Variants in GAK observed in about 807,000 individuals in gnomAD.
GAK encodes cyclin G associated kinase.
In GAK, 79 loss-of-function variants were observed where a neutral mutation model predicts 143.9. That is an observed-to-expected ratio of 0.55 (90% CI 0.46 to 0.66). The LOEUF is 0.66. Ranked by LOEUF, GAK falls within the 30% of genes least tolerant of loss-of-function variation. The pLI, the probability that GAK is intolerant of heterozygous loss-of-function variation, is 0.00. For missense variants in GAK, 1,693 were observed against 1,779.7 expected (o/e 0.95, Z 0.88); for synonymous variants, 881 against 765.5 (o/e 1.15, Z -2.49).
intron 7 of GAK, 97 bp downstream of exon 7, chr4:896,363 A>C: frequency 3.5e-6 from 3 of 863,044 alleles, no homozygotes; most frequent in Non-Finnish European, 5.9e-6. Context: ...TGGAGGAGGC[A>C]GGCCAGTTCC....
At position 932,201 on chromosome 4, in the gene GAK, C is replaced by A. The variant is rs1202495429; in HGVS notation, c.-14G>T. ...CAGCAGCGACATGGCGGTGGCTGCG[C>A]CGCACCCCGCGGCAGCCGGAGTGGT... On this transcript the variant is annotated 5_prime_UTR_variant, in exon 1 of 28. Coordinates refer to ENST00000314167, the MANE Select transcript of GAK (RefSeq NM_005255.4). This position sits in a 1 kb window ranked among gnomAD's most constrained non-coding sequence, Gnocchi z 4.0. 2 of 1,524,962 alleles carry A rather than the reference C, an allele frequency of 1.3e-6. No individual in the cohort carries two copies. Among genetic ancestry groups the A allele is most frequent in the Non-Finnish European group, 1.8e-6 (2 of 1,139,654 alleles). 94.5% of individuals were successfully genotyped at this position (1,524,962 alleles called of 1,614,324 possible).
At chr4:909,028 A>G (rs1339096213) in intron 4 of GAK, among the ~76,000 whole-genome samples, 1 of 152,144 alleles carries the variant, frequency 6.6e-6, no homozygotes, top group Admixed American at 6.5e-5. Flanking sequence ...TTACAATACA[A>G]AAGAGACGGG....
At chr4:923,442 G>C (rs1174896780) in intron 1 of GAK, among the ~76,000 whole-genome samples, 2 of 152,156 alleles carry the variant, frequency 1.3e-5, no homozygotes, top group South Asian at 2.1e-4. Flanking sequence ...GCCGAGGTGG[G>C]AGAATCACTT....
intron 11 of GAK, among the ~76,000 whole-genome samples, chr4:884,574 G>A (rs1335365160): frequency 6.6e-6 from 1 of 152,234 alleles, no homozygotes. Context: ...TGCCCTGAGT[G>A]CCTAGAAGCC....
chr4:880,892 C>T lies in GAK; in HGVS notation c.1661+1015G>A, dbSNP rs144682066. Among the ~76,000 whole-genome samples the T allele has an allele frequency of 2.7e-3, 417 of 152,340 alleles. 2 individuals are homozygous for T. The highest frequency in any genetic ancestry group is 4.5e-3 in the Non-Finnish European group (309 of 68,026). On this transcript the variant is annotated intron_variant, in intron 15 of 27. Transcript: ENST00000314167. ...GGAAAGAGACTCCCTGGTTCTCAGA[C>T]GCCCCCTGCTGAACAGGCCCCACCG...
intron 1 of GAK, among the ~76,000 whole-genome samples, chr4:930,580 C>T (rs548152016): frequency 3.3e-4 from 50 of 151,442 alleles, no homozygotes; most frequent in African/African-American, 1.2e-3. Flanking sequence ...CTGCCTCTGT[C>T]TCTCCACCCC....
rs765473301 is a variant in GAK, at chr4:888,956, C to A, written c.1096G>T (p.Glu366Ter). 1.2e-6 allele frequency: 2 copies of A among 1,611,496 alleles called. No individual in the cohort carries two copies. Among genetic ancestry groups the A allele is most frequent in the Non-Finnish European group, 1.7e-6 (2 of 1,179,594 alleles). Residue 366 changes from glutamate to a stop codon, truncating the protein, a stop_gained, in exon 11 of 28, where the codon GAG becomes TAG. Transcript: ENST00000314167. LOFTEE classifies it high-confidence loss of function. ...SGYSGGLALAEYDQPYGGFLD... is the reference protein window; with the variant it reads ...SGYSGGLALA ...AAGCCGCCATACGGCTGGTCGTACTCCGCCAGCGCCAGGCCTGCAGGGAGA... is the reference window on the plus strand; with the variant it reads ...AAGCCGCCATACGGCTGGTCGTACTACGCCAGCGCCAGGCCTGCAGGGAGA...
intron 15 of GAK, among the ~76,000 whole-genome samples, chr4:878,598 GGTCT>G (rs1432368975): frequency 3.9e-5 from 6 of 152,130 alleles, no homozygotes; most frequent in African/African-American, 1.2e-4. Flanking sequence ...CCCTGCTGGT[GGTCT>G]GTCTACTTGT....
chr4:852,982 C>T (rs1193157063), intron 24 of GAK: 1 of 152,226 alleles, frequency 6.6e-6, no homozygotes, highest in Non-Finnish European at 1.5e-5. Context: ...GCAATCACGA[C>T]CTGAATGCTT....
At chr4:871,746 C>T (rs543191786) in intron 18 of GAK, among the ~76,000 whole-genome samples, 2 of 152,068 alleles carry the variant, frequency 1.3e-5, no homozygotes, top group Admixed American at 6.5e-5. Context: ...GGGTGTTGGC[C>T]GCACGGGGAG....
chr4:916,899 C>CT (rs1352673856), intron 1 of GAK, among the ~76,000 whole-genome samples: 2 of 152,242 alleles, frequency 1.3e-5, no homozygotes, highest in Non-Finnish European at 2.9e-5. Flanking sequence ...TACACAGCAG[C>CT]TTCATGTGCA....
intron 22 of GAK, 69 bp downstream of exon 22, chr4:866,295 T>G: frequency 2.0e-6 from 3 of 1,493,700 alleles, no homozygotes; most frequent in Non-Finnish European, 1.8e-6. Context: ...CAGCTCTGTT[T>G]CCCACCAGAG....
At chr4:887,152 T>G (rs996265299) in intron 11 of GAK, 1 of 148,862 alleles carries the variant, frequency 6.7e-6, no homozygotes, top group Non-Finnish European at 1.5e-5. Context: ...TGCGTACACA[T>G]GCACGCGGCT....
At chr4:889,004 T>C (rs1194407130) in intron 10 of GAK, 34 bp from the exon 11 acceptor site, 1 of 1,593,956 alleles carries the variant, frequency 6.3e-7, no homozygotes, top group Non-Finnish European at 8.5e-7. Flanking sequence ...AGGCCCCAGG[T>C]GCTCGGTCCC....
At chr4:893,712 G>A (rs1274761757) in intron 8 of GAK, among the ~76,000 whole-genome samples, 162 bp downstream of exon 8, 1 of 114,598 alleles carries the variant, frequency 8.7e-6, no homozygotes, top group Non-Finnish European at 1.9e-5. Flanking sequence ...GGCGGCAGGG[G>A]AGCTCTCTGG....
At position 868,986 on chromosome 4, in the gene GAK, A is replaced by G. The variant is rs1711694324; in HGVS notation, c.2249-301T>C. The G allele has an allele frequency of 7.4e-6, 3 of 406,346 alleles. No homozygotes were observed. In the South Asian group the frequency reaches 7.8e-5, roughly 11 times the overall value. 25.2% of individuals were successfully genotyped at this position (406,346 alleles called of 1,614,324 possible). On this transcript the variant is annotated intron_variant, in intron 19 of 27. Transcript: ENST00000314167. ...ACATATGCAGGGTACACATGAATGCACACACACAGCTGCACGGTACACACG... is the reference window on the plus strand; with the variant it reads ...ACATATGCAGGGTACACATGAATGCGCACACACAGCTGCACGGTACACACG...
At chr4:876,280 C>T (rs1315725990) in intron 18 of GAK, among the ~76,000 whole-genome samples, 3 of 152,248 alleles carry the variant, frequency 2.0e-5, no homozygotes, top group Admixed American at 6.5e-5. Flanking sequence ...GCTTACGCCA[C>T]GCCCGGGTGT....
At chr4:870,686 A>T in intron 19 of GAK, 25 bp downstream of exon 19, 1 of 1,610,074 alleles carries the variant, frequency 6.2e-7, no homozygotes, top group Non-Finnish European at 8.5e-7. Flanking sequence ...AACAGGGTTC[A>T]CCTAATTCAC....
At chr4:905,602 C>T (rs1720939370) in intron 4 of GAK, among the ~76,000 whole-genome samples, 1 of 151,200 alleles carries the variant, frequency 6.6e-6, no homozygotes, top group African/African-American at 2.4e-5. Flanking sequence ...ACGTTACGGA[C>T]TCCGCCAAAC....
Sources: allele counts gnomAD v4.1 joint callset (sites outside exome capture counted in the v4.1 genomes callset), GRCh38; gene constraint gnomAD v4.1.1; non-coding constraint Gnocchi (gnomAD v3.1); transcripts MANE v1.5; gene names NCBI Gene and HGNC (gene_info 2026-07-23, HGNC 2026-07-21).